TMEM229B: variants seen among roughly 807,000 people sequenced by gnomAD.
TMEM229B encodes chromosome 14 open reading frame 83.
A neutral mutation model predicts 13.7 loss-of-function variants in TMEM229B; 6 were observed. The ratio of observed to expected loss-of-function variants is 0.44; its 90% CI spans 0.24 to 0.86. The LOEUF (loss-of-function observed/expected upper bound fraction) is 0.86. Ranked by LOEUF, TMEM229B falls within the 40% of genes least tolerant of loss-of-function variation. The probability of loss-of-function intolerance (pLI) is 0.23; values close to 1 mark genes in which losing one functional copy is unlikely to be tolerated. For synonymous variants in TMEM229B, 107 were observed against 102.1 expected, an observed-to-expected ratio of 1.05 and a Z score of -0.29; for missense variants, 170 against 236.0, an observed-to-expected ratio of 0.72 and a Z score of 1.83.
chr14:67,514,395 G>C (rs1478056163), intron 1 of TMEM229B, among the ~76,000 whole-genome samples: 1 of 152,144 alleles, frequency 6.6e-6, no homozygotes, highest in Admixed American at 6.5e-5. Flanking sequence ...CCCCATCCCA[G>C]CCAGGCATCT....
upstream of TMEM229B, among the ~76,000 whole-genome samples, chr14:67,490,782 A>G (rs1215105859): frequency 6.6e-6 from 1 of 150,842 alleles, no homozygotes; most frequent in African/African-American, 2.4e-5. Flanking sequence ...TTTTACCCCC[A>G]CTCTCCTTTT....
chr14:67,474,383 T>C (rs1318529478), intron 2 of TMEM229B, among the ~76,000 whole-genome samples: 2 of 152,214 alleles, frequency 1.3e-5, no homozygotes, highest in Non-Finnish European at 2.9e-5. Context: ...TTTTGGATTA[T>C]CTGTGGTCAG....
chr14:67,533,580 C>T (rs2140295410), intron 1 of TMEM229B: 1 of 152,176 alleles, frequency 6.6e-6, no homozygotes, highest in Admixed American at 6.5e-5. Flanking sequence ...CTTGGGAAGC[C>T]GGGCGCCCCA....
In TMEM229B at chr14:67,511,877, C is replaced by T. The variant is rs528675071; in HGVS notation, c.-192+3209G>A. On this transcript the variant is annotated intron_variant, in intron 1 of 2. Coordinates refer to the TMEM229B transcript ENST00000357461. Reference sequence around the variant, plus strand: ...CAGGGAAAGGAGCAAACCCTCTTTTCCATCTTGGAAATGTGATGGTTGACT... The same window carrying T: ...CAGGGAAAGGAGCAAACCCTCTTTTTCATCTTGGAAATGTGATGGTTGACT... 5.3e-4 allele frequency among the ~76,000 whole-genome samples: 81 copies of T among 152,338 alleles called. No homozygotes were observed. In the Middle Eastern group the frequency reaches 0.014, roughly 26 times the overall value.
intron 1 of TMEM229B, among the ~76,000 whole-genome samples, chr14:67,493,891 A>ATTTT (rs1459860240): frequency 3.4e-5 from 5 of 149,122 alleles, no homozygotes; most frequent in Admixed American, 2.7e-4. Context: ...TTATTTATTT[A>ATTTT]TTTAAAAATA....
chr14:67,508,319 A>G (rs34393725), intron 1 of TMEM229B, among the ~76,000 whole-genome samples: 9,797 of 152,130 alleles, frequency 0.064, 457 homozygotes, highest in Non-Finnish European at 0.1. Flanking sequence ...AAAAGGCTGG[A>G]ACCTCAGCCT....
chr14:67,492,383 C>T (rs10129316), upstream of TMEM229B, among the ~76,000 whole-genome samples: 28,574 of 152,180 alleles, frequency 0.19, 2,833 homozygotes, highest in Non-Finnish European at 0.21. Context: ...CATCAGGCAG[C>T]GGCTGAGAGG....
intron 1 of TMEM229B, among the ~76,000 whole-genome samples, chr14:67,499,911 C>G (rs1023434302): frequency 1.3e-5 from 2 of 152,056 alleles, no homozygotes; most frequent in Non-Finnish European, 2.9e-5. Flanking sequence ...CTGAAGACAC[C>G]TGGGGGCTGC....
chr14:67,484,774 AG>A (rs1327650037), intron 2 of TMEM229B, among the ~76,000 whole-genome samples: 1 of 152,294 alleles, frequency 6.6e-6, no homozygotes, highest in African/African-American at 2.4e-5. Flanking sequence ...AGAAAAAAAA[AG>A]AAAAAGCACT....
At chr14:67,513,203 A>C (rs1425494859) in intron 1 of TMEM229B, among the ~76,000 whole-genome samples, 3 of 152,302 alleles carry the variant, frequency 2.0e-5, no homozygotes, top group Admixed American at 2.0e-4. Context: ...GGAGGCTCGG[A>C]GGTCAGGCCT....
upstream of TMEM229B, among the ~76,000 whole-genome samples, chr14:67,491,527 C>T (rs896613276): frequency 3.3e-5 from 5 of 152,200 alleles, no homozygotes; most frequent in African/African-American, 1.2e-4. Flanking sequence ...TAACAAAAGA[C>T]ATTCCTTTCA....
At chr14:67,498,979 T>TTTTA (rs10523208) in intron 1 of TMEM229B, among the ~76,000 whole-genome samples, 25,916 of 146,486 alleles carry the variant, frequency 0.18, 2,466 homozygotes, top group Non-Finnish European at 0.2. Context: ...AAGGCAATGG[T>TTTTA]TTTATTTATT....
intron 1 of TMEM229B, among the ~76,000 whole-genome samples, chr14:67,514,617 G>A (rs533169952): frequency 6.6e-6 from 1 of 152,044 alleles, no homozygotes; most frequent in Non-Finnish European, 1.5e-5. Flanking sequence ...AATTCAGGAG[G>A]GTCCTTGGTT....
In TMEM229B at chr14:67,471,037, T is replaced by C. The variant is rs3742857; in HGVS notation, c.*2383A>G. The C allele has an allele frequency of 5.9e-5, 9 of 152,302 alleles. No homozygotes were observed. The East Asian group carries it at 1.5e-3, about 26-fold the overall frequency. The allele number at this position is 152,302 out of a possible 1,614,324, so 9.4% of individuals were successfully genotyped here. ...GTAGATCCCGTGGTCAGGCCATGGG[T>C]TGTTGCCTTCCTTTGCTGGAGGTTT... On this transcript the variant is annotated 3_prime_UTR_variant, in exon 3 of 3. Coordinates refer to ENST00000554480, the MANE Select transcript of TMEM229B (RefSeq NM_001348543.2).
chr14:67,520,280 T>C (rs1413426756), upstream of TMEM229B, among the ~76,000 whole-genome samples: 1 of 152,230 alleles, frequency 6.6e-6, no homozygotes. Flanking sequence ...GTATCCACCA[T>C]TTAGTATCAT....
intron 2 of TMEM229B, among the ~76,000 whole-genome samples, chr14:67,480,890 C>T (rs940697881): frequency 4.6e-5 from 7 of 152,148 alleles, no homozygotes; most frequent in African/African-American, 1.7e-4. Flanking sequence ...TCTTCCCCAA[C>T]CCCAGCAAGT....
intron 1 of TMEM229B, among the ~76,000 whole-genome samples, chr14:67,521,498 A>T (rs189575452): frequency 5.7e-4 from 87 of 152,214 alleles, no homozygotes; most frequent in Non-Finnish European, 1.1e-3. Context: ...CTTTCATAGA[A>T]GTCTTAAAAT....
rs564135580 is a variant in TMEM229B at position 67,526,262 on chromosome 14, C to G, written c.-192+7374G>C. On this transcript the variant is annotated intron_variant, in intron 1 of 2. Transcript: ENST00000554278. ...AGTCGGTCTAGTGCCAGCTCTGTATCCCATCACTTTATCTGTAGCAGAGCA... is the reference window on the plus strand; with the variant it reads ...AGTCGGTCTAGTGCCAGCTCTGTATGCCATCACTTTATCTGTAGCAGAGCA... Among the ~76,000 whole-genome samples, 3 of 152,364 alleles carry G rather than the reference C, an allele frequency of 2.0e-5. No homozygotes were observed. In the East Asian group the frequency reaches 5.8e-4, roughly 29 times the overall value.
chr14:67,473,006 A>C lies in TMEM229B; in HGVS notation c.*414T>G. 4.9e-6 allele frequency: 1 copy of C among 202,966 alleles called. No individual in the cohort carries two copies. 12.6% of individuals were successfully genotyped at this position (202,966 alleles called of 1,614,324 possible). On this transcript the variant is annotated 3_prime_UTR_variant, in exon 3 of 3. Coordinates refer to ENST00000554480, the MANE Select transcript of TMEM229B (RefSeq NM_001348543.2). The surrounding 1 kb of genome is among the most constrained non-coding windows in gnomAD (Gnocchi z 6.5). ...AAGCACCTGAATATTGCCTAATGGA[A>C]CCAGCCAAAGCTCAACTAAATCCAG...
Sources: allele counts gnomAD v4.1 joint callset (sites outside exome capture counted in the v4.1 genomes callset), GRCh38; gene constraint gnomAD v4.1.1; non-coding constraint Gnocchi (gnomAD v3.1); transcripts MANE v1.5; gene names NCBI Gene and HGNC (gene_info 2026-07-23, HGNC 2026-07-21).